Variants in VPS53 observed in about 807,000 individuals in gnomAD.
The protein encoded by VPS53 is vacuolar protein sorting-associated protein 53 homolog.
VPS53 carries 70 observed loss-of-function variants against 107.0 expected under a neutral mutation model. That is an observed-to-expected ratio of 0.65 (90% CI 0.54 to 0.80). VPS53 has a LOEUF of 0.80. Among genes scored for constraint, VPS53 ranks in the 30% least tolerant of loss-of-function variants. VPS53 has a pLI of 0.00. For missense variants in VPS53, 917 were observed against 1,049.4 expected (o/e 0.87, Z 1.74); for synonymous variants, 409 against 393.3 (o/e 1.04, Z -0.47).
intron 17 of VPS53, chr17:540,657 C>T (rs754517054): frequency 6.6e-6 from 1 of 152,206 alleles, no homozygotes; most frequent in Non-Finnish European, 1.5e-5. Flanking sequence ...AAAATTGTTT[C>T]TTGTTGTGCT....
At chr17:713,270 A>T (rs1048447297) in intron 1 of VPS53, among the ~76,000 whole-genome samples, 2 of 152,124 alleles carry the variant, frequency 1.3e-5, no homozygotes, top group Non-Finnish European at 2.9e-5. Context: ...TCAATCATAA[A>T]TCCCTTTCTT....
Position 519,325 on chromosome 17 carries a change from T to C in VPS53, c.2329-27A>G. On this transcript the variant is annotated intron_variant, in intron 21 of 21. Coordinates refer to ENST00000437048, the MANE Select transcript of VPS53 (RefSeq NM_001128159.3). The surrounding 1 kb of genome is among the most constrained non-coding windows in gnomAD (Gnocchi z 5.0). ...TGAGGTTGAGAGAGAAACAGAACCGTCACGAAGTCTGGGCCAGAATGGCCC... is the reference window on the plus strand; with the variant it reads ...TGAGGTTGAGAGAGAAACAGAACCGCCACGAAGTCTGGGCCAGAATGGCCC... 6.9e-7 allele frequency: 1 copy of C among 1,453,834 alleles called. No individual in the cohort carries two copies. The highest frequency in any genetic ancestry group is 9.1e-7 in the Non-Finnish European group (1 of 1,101,652). 90.1% of individuals were successfully genotyped at this position (1,453,834 alleles called of 1,614,324 possible). A position where few individuals can be genotyped will look rare whatever the true frequency, so the allele number is the denominator to read the frequency against.
intron 11 of VPS53, among the ~76,000 whole-genome samples, chr17:615,499 C>T (rs977030335): frequency 4.0e-5 from 6 of 151,876 alleles, no homozygotes; most frequent in East Asian, 3.9e-4. Context: ...ACAGTGAAGG[C>T]GGCAGTGGGG....
At chr17:699,216 C>A in intron 3 of VPS53, 115 bp downstream of exon 3, 3 of 705,130 alleles carry the variant, frequency 4.3e-6, no homozygotes, top group Non-Finnish European at 4.3e-6. Context: ...ATATTACCAT[C>A]TATGGCAAAC....
chr17:519,333 T>C lies in VPS53; in HGVS notation c.2329-35A>G. 1 of 1,449,902 alleles carries C rather than the reference T, an allele frequency of 6.9e-7. No individual in the cohort carries two copies. The highest frequency in any genetic ancestry group is 1.5e-5 in the South Asian group (1 of 67,714). The allele number at this position is 1,449,902 out of a possible 1,614,324, so 89.8% of individuals were successfully genotyped here. On this transcript the variant is annotated intron_variant, in intron 21 of 21. Coordinates refer to ENST00000437048, the MANE Select transcript of VPS53 (RefSeq NM_001128159.3). The surrounding 1 kb of genome is among the most constrained non-coding windows in gnomAD (Gnocchi z 5.0). ...AGAGAGAAACAGAACCGTCACGAAG[T>C]CTGGGCCAGAATGGCCCACGGGGGA...
chr17:634,858 G>A (rs577610658), intron 7 of VPS53, among the ~76,000 whole-genome samples: 111 of 149,014 alleles, frequency 7.4e-4, no homozygotes, highest in African/African-American at 2.0e-3. Flanking sequence ...ATAAACATAC[G>A]TGTGCATGTG....
intron 5 of VPS53, 22 bp from the exon 6 acceptor site, chr17:655,975 G>A (rs1222961324): frequency 6.3e-7 from 1 of 1,597,092 alleles, no homozygotes; most frequent in Non-Finnish European, 8.6e-7. Flanking sequence ...AAAACCACAA[G>A]AAAGAAAGGA....
intron 7 of VPS53, among the ~76,000 whole-genome samples, chr17:643,859 C>T (rs186995144): frequency 7.2e-4 from 109 of 152,330 alleles, no homozygotes; most frequent in African/African-American, 2.5e-3. Context: ...ACGTGTCAAC[C>T]CAGGAGGCCC....
intron 4 of VPS53, among the ~76,000 whole-genome samples, chr17:666,537 G>A (rs369450310): frequency 6.6e-6 from 1 of 151,878 alleles, no homozygotes; most frequent in African/African-American, 2.4e-5. Flanking sequence ...GGTGGCAGGC[G>A]CCTGTAATCC....
intron 11 of VPS53, among the ~76,000 whole-genome samples, chr17:622,330 T>TG (rs1483440883): frequency 6.6e-6 from 1 of 152,184 alleles, no homozygotes; most frequent in African/African-American, 2.4e-5. Flanking sequence ...AAGTCTTGAC[T>TG]GCTGGTCCAA....
chr17:678,720 G>C (rs949465335), intron 4 of VPS53, among the ~76,000 whole-genome samples: 5 of 151,616 alleles, frequency 3.3e-5, no homozygotes, highest in Admixed American at 6.6e-5. Context: ...CTCACTGCAA[G>C]CTCCACCCCC....
chr17:688,556 T>G (rs1003782023), intron 4 of VPS53, among the ~76,000 whole-genome samples: 8 of 152,198 alleles, frequency 5.3e-5, no homozygotes, highest in Admixed American at 4.6e-4. Flanking sequence ...ACTACATTGT[T>G]AAACAGTTAA....
intron 19 of VPS53, chr17:531,826 G>T (rs1246098652): frequency 7.2e-6 from 1 of 138,698 alleles, no homozygotes; most frequent in Admixed American, 8.3e-5. Context: ...GCCCAGGCTG[G>T]AGAGCAGTGG....
intron 19 of VPS53, among the ~76,000 whole-genome samples, chr17:531,529 G>T (rs1909543166): frequency 6.6e-6 from 1 of 151,944 alleles, no homozygotes; most frequent in Non-Finnish European, 1.5e-5. Context: ...GGGGCAGATG[G>T]TGTCTTACTC....
At chr17:631,714 T>A in intron 7 of VPS53, 86 bp from the exon 8 acceptor site, 3 of 1,302,872 alleles carry the variant, frequency 2.3e-6, no homozygotes, top group South Asian at 1.2e-5. Flanking sequence ...AGGGCTGAAG[T>A]CTTTCGAGAA....
chr17:617,579 G>A (rs1411285073), intron 11 of VPS53, among the ~76,000 whole-genome samples: 2 of 152,004 alleles, frequency 1.3e-5, no homozygotes, highest in Non-Finnish European at 2.9e-5. Context: ...TATTTCCCGG[G>A]TAGCTGGGAC....
intron 4 of VPS53, 50 bp from the exon 5 acceptor site, chr17:661,945 C>T: frequency 7.1e-7 from 1 of 1,407,814 alleles, no homozygotes; most frequent in Non-Finnish European, 9.8e-7. Context: ...GAGACAGCTC[C>T]AGTCACTAAC....
intron 4 of VPS53, among the ~76,000 whole-genome samples, chr17:690,597 G>T (rs1972743137): frequency 2.0e-5 from 3 of 152,320 alleles, no homozygotes; most frequent in Middle Eastern, 3.4e-3. Flanking sequence ...TACTTTCCCA[G>T]CTCTGCGGAC....
chr17:597,510 C>T (rs552922074), intron 12 of VPS53, among the ~76,000 whole-genome samples: 1 of 152,218 alleles, frequency 6.6e-6, no homozygotes, highest in Non-Finnish European at 1.5e-5. Flanking sequence ...AGTAATAGCC[C>T]ATGAAATGGT....
Sources: allele counts gnomAD v4.1 joint callset (sites outside exome capture counted in the v4.1 genomes callset), GRCh38; gene constraint gnomAD v4.1.1; non-coding constraint Gnocchi (gnomAD v3.1); transcripts MANE v1.5; gene names NCBI Gene and HGNC (gene_info 2026-07-23, HGNC 2026-07-21).